The following ZSWIM6 variants were observed in gnomAD, a reference collection of about 807,000 sequenced individuals.
ZSWIM6 encodes the protein zinc finger SWIM-type containing 6.
A neutral mutation model predicts 113.2 loss-of-function variants in ZSWIM6; 9 were observed. The observed-to-expected ratio is 0.08, with a 90% CI of 0.05 to 0.14. The LOEUF (loss-of-function observed/expected upper bound fraction) is 0.14, where lower values mean the gene tolerates loss of function less well. Ranked by LOEUF, ZSWIM6 falls within the 10% of genes least tolerant of loss-of-function variation. The pLI, the probability that ZSWIM6 is intolerant of heterozygous loss-of-function variation, is 1.00. For missense variants in ZSWIM6, 1,162 were observed against 1,552.2 expected (o/e 0.75, Z 4.22); for synonymous variants, 611 against 606.5 (o/e 1.01, Z -0.11).
Position 61,544,250 on chromosome 5 carries a change from A to G in ZSWIM6, c.3581A>G (p.Asp1194Gly), listed in dbSNP as rs1749824132. 1 of 1,549,122 alleles carries G rather than the reference A, an allele frequency of 6.5e-7. No individual in the cohort carries two copies. Among genetic ancestry groups the G allele is most frequent in the Non-Finnish European group, 8.7e-7 (1 of 1,146,658 alleles). ...DGHIQFTQFI[D>G]NLKQIYKGKK... ...CACATTCAGTTTACACAGTTTATTG[A>G]CAACCTGAAACAAATCTACAAAGGC... The change falls in exon 14 of 14, where the codon GAC becomes GGC. Residue 1194 changes from aspartate to glycine, a missense_variant. Physicochemically the swap from Asp to Gly is moderately conservative, Grantham distance 94. Coordinates refer to ENST00000252744, the MANE Select transcript of ZSWIM6 (RefSeq NM_020928.2).
At chr5:61,377,681 C>T (rs1413604422) in intron 1 of ZSWIM6, among the ~76,000 whole-genome samples, 1 of 151,526 alleles carries the variant, frequency 6.6e-6, no homozygotes, top group Non-Finnish European at 1.5e-5. Flanking sequence ...CACACCACTG[C>T]ACTCCAGCCT....
At chr5:61,451,524 T>C (rs1362575152) in intron 1 of ZSWIM6, among the ~76,000 whole-genome samples, 2 of 152,200 alleles carry the variant, frequency 1.3e-5, no homozygotes, top group Admixed American at 1.3e-4. Flanking sequence ...TATTCATGAT[T>C]ATTTGAGGCA....
At chr5:61,511,302 A>C (rs952613746) in intron 4 of ZSWIM6, among the ~76,000 whole-genome samples, 1 of 152,208 alleles carries the variant, frequency 6.6e-6, no homozygotes, top group Non-Finnish European at 1.5e-5. Context: ...AAATGTAAGC[A>C]TGCATTTCTG....
rs754512309 is a variant in ZSWIM6, at chr5:61,531,520, C to A, written c.2040C>A (p.Phe680Leu). 248 of 1,551,574 alleles carry A rather than the reference C, an allele frequency of 1.6e-4. No individual in the cohort carries two copies. Among genetic ancestry groups the A allele is most frequent in the Non-Finnish European group, 2.0e-4 (235 of 1,146,984 alleles). Reference sequence around the variant, plus strand: ...ACCAGCATCTACCTGCACACAAATTCTTAGAAGAAGGGGAATCCTATTTAA... The same window carrying A: ...ACCAGCATCTACCTGCACACAAATTATTAGAAGAAGGGGAATCCTATTTAA... ...LEYQHLPAHK[F>L]LEEGESYLTL... The change falls in exon 9 of 14, where the codon TTC becomes TTA. Residue 680 changes from phenylalanine to leucine, a missense_variant. Phe to Leu is a conservative substitution (Grantham distance 22). This residue lies in a region of ZSWIM6 where 620 missense variants were observed against 804.6 expected (regional missense o/e 0.77). Transcript: ENST00000252744.
intron 1 of ZSWIM6, among the ~76,000 whole-genome samples, chr5:61,378,642 G>A (rs1013469213): frequency 2.6e-5 from 4 of 151,714 alleles, no homozygotes; most frequent in Non-Finnish European, 5.9e-5. Context: ...CACAACCTCC[G>A]CCTCCCAGGT....
At chr5:61,441,934 G>T (rs1327984722) in intron 1 of ZSWIM6, among the ~76,000 whole-genome samples, 2 of 152,162 alleles carry the variant, frequency 1.3e-5, no homozygotes, top group African/African-American at 4.8e-5. Flanking sequence ...CTTTATTTGG[G>T]TGCTGCTACT....
chr5:61,482,985 A>C (rs796709747), intron 2 of ZSWIM6, among the ~76,000 whole-genome samples: 88 of 152,226 alleles, frequency 5.8e-4, no homozygotes, highest in African/African-American at 1.6e-3. Flanking sequence ...AGCTTACCCC[A>C]AAAAAATAAA....
At chr5:61,488,039 G>A (rs1368764535) in intron 2 of ZSWIM6, among the ~76,000 whole-genome samples, 2 of 151,846 alleles carry the variant, frequency 1.3e-5, no homozygotes, top group Non-Finnish European at 2.9e-5. Flanking sequence ...TTATTGTGAG[G>A]TATATTCCTT....
intron 7 of ZSWIM6, among the ~76,000 whole-genome samples, chr5:61,526,712 T>G (rs1749294666): frequency 1.3e-5 from 2 of 152,226 alleles, no homozygotes; most frequent in African/African-American, 2.4e-5. Context: ...TGCCTTATTT[T>G]GTGGAAGTGC....
chr5:61,474,437 T>C (rs1326578171), intron 2 of ZSWIM6, among the ~76,000 whole-genome samples: 3 of 152,208 alleles, frequency 2.0e-5, no homozygotes, highest in African/African-American at 7.2e-5. Flanking sequence ...TTTTAAGAAG[T>C]GAAAAGAAAC....
chr5:61,498,498 G>A (rs1409153574), intron 4 of ZSWIM6, among the ~76,000 whole-genome samples: 1 of 152,142 alleles, frequency 6.6e-6, no homozygotes, highest in Non-Finnish European at 1.5e-5. Context: ...GAATTTCATT[G>A]TATGATTAGT....
chr5:61,471,639 C>T (rs1283232611), intron 1 of ZSWIM6, among the ~76,000 whole-genome samples: 2 of 152,206 alleles, frequency 1.3e-5, no homozygotes, highest in African/African-American at 2.4e-5. Context: ...ATTAGATTCT[C>T]ATAGGAGCAC....
At chr5:61,541,263 T>G (rs1472419429) in intron 12 of ZSWIM6, among the ~76,000 whole-genome samples, 1 of 152,098 alleles carries the variant, frequency 6.6e-6, no homozygotes, top group African/African-American at 2.4e-5. Flanking sequence ...ATTTTGAATC[T>G]TTAAAGAATG....
At chr5:61,452,285 A>G (rs1182146078) in intron 1 of ZSWIM6, among the ~76,000 whole-genome samples, 3 of 152,162 alleles carry the variant, frequency 2.0e-5, no homozygotes, top group African/African-American at 4.8e-5. Context: ...TCATAGCTAT[A>G]TAGTATTCTA....
intron 1 of ZSWIM6, among the ~76,000 whole-genome samples, chr5:61,384,520 G>A (rs1745554781): frequency 6.6e-6 from 1 of 152,178 alleles, no homozygotes; most frequent in Non-Finnish European, 1.5e-5. Flanking sequence ...GAACAGTTGA[G>A]TCTGAATTCA....
chr5:61,433,277 A>C (rs1458314380), intron 1 of ZSWIM6, among the ~76,000 whole-genome samples: 1 of 152,108 alleles, frequency 6.6e-6, no homozygotes, highest in East Asian at 1.9e-4. Flanking sequence ...TTAGGAGAAA[A>C]GGGATCATTT....
rs544963386 is a variant in ZSWIM6, at chr5:61,388,689, G to C, written c.676+55741G>C. Among the ~76,000 whole-genome samples the C allele has an allele frequency of 2.0e-5, 3 of 152,356 alleles. No homozygotes were observed. The South Asian group carries it at 6.2e-4, about 32-fold the overall frequency. Reference sequence around the variant, plus strand: ...CTAATAAATGGCAGAGCTAGTATTTGAACACACAGTGGCTCAAAAATATCT... The same window carrying C: ...CTAATAAATGGCAGAGCTAGTATTTCAACACACAGTGGCTCAAAAATATCT... On this transcript the variant is annotated intron_variant, in intron 1 of 13. Transcript: ENST00000252744.
intron 1 of ZSWIM6, among the ~76,000 whole-genome samples, chr5:61,461,608 G>C (rs1001729654): frequency 7.2e-5 from 11 of 152,152 alleles, no homozygotes; most frequent in African/African-American, 2.7e-4. Flanking sequence ...CAGTAAGGCA[G>C]AGCTGTACTG....
chr5:61,474,025 G>A (rs911047096), intron 2 of ZSWIM6, among the ~76,000 whole-genome samples: 2 of 152,144 alleles, frequency 1.3e-5, no homozygotes, highest in East Asian at 3.8e-4. Flanking sequence ...GATTAACAAA[G>A]TGAACTGTCA....
Sources: allele counts gnomAD v4.1 joint callset (sites outside exome capture counted in the v4.1 genomes callset), GRCh38; gene constraint gnomAD v4.1.1; regional missense constraint gnomAD v4.1.1; transcripts MANE v1.5; gene names NCBI Gene and HGNC (gene_info 2026-07-23, HGNC 2026-07-21).